Variants in TANC2 observed in about 807,000 individuals in gnomAD.
The protein encoded by TANC2 is tetratricopeptide repeat, ankyrin repeat and coiled-coil containing 2.
Under a neutral mutation model 210.5 loss-of-function variants are expected in TANC2, and 26 were observed. The ratio of observed to expected loss-of-function variants is 0.12; its 90% CI spans 0.09 to 0.17. The LOEUF (loss-of-function observed/expected upper bound fraction) is 0.17. Among genes scored for constraint, TANC2 ranks in the 10% least tolerant of loss-of-function variants. The pLI is 1.00. For synonymous variants in TANC2, 931 were observed against 967.1 expected (o/e 0.96, Z 0.69); for missense variants, 2,129 against 2,608.9 (o/e 0.82, Z 4.01).
At chr17:63,138,851 C>T (rs2039184564) in intron 4 of TANC2, among the ~76,000 whole-genome samples, 1 of 152,270 alleles carries the variant, frequency 6.6e-6, no homozygotes, top group South Asian at 2.1e-4. Flanking sequence ...ATTGACATAC[C>T]ACACTTGTCT....
intron 6 of TANC2, among the ~76,000 whole-genome samples, chr17:63,200,080 G>T (rs984996173): frequency 7.9e-5 from 12 of 151,930 alleles, no homozygotes; most frequent in Admixed American, 5.2e-4. Flanking sequence ...TATTGGCTGG[G>T]TCCAGTGGCT....
intron 9 of TANC2, among the ~76,000 whole-genome samples, chr17:63,307,062 G>C (rs1263523372): frequency 1.3e-5 from 2 of 152,202 alleles, no homozygotes; most frequent in Non-Finnish European, 2.9e-5. Flanking sequence ...GAAGAGCTGG[G>C]GCATAGACTG....
intron 5 of TANC2, among the ~76,000 whole-genome samples, chr17:63,176,404 C>T (rs568517606): frequency 2.6e-5 from 4 of 152,304 alleles, no homozygotes; most frequent in African/African-American, 7.2e-5. Context: ...ATCTGTAAAA[C>T]AGGCTGAATG....
chr17:62,983,818 C>G (rs1296990872), intron 1 of TANC2, among the ~76,000 whole-genome samples: 2 of 152,042 alleles, frequency 1.3e-5, no homozygotes, highest in African/African-American at 4.8e-5. Context: ...AGATAAATCT[C>G]ACTTGATTAT....
In TANC2 at chr17:63,420,256, T is replaced by C. The variant is rs750702865; in HGVS notation, c.4526T>C (p.Ile1509Thr). 8.7e-6 allele frequency: 14 copies of C among 1,613,592 alleles called. No homozygotes were observed. The highest frequency in any genetic ancestry group is 5.0e-5 in the Admixed American group (3 of 59,972). Reference sequence around the variant, plus strand: ...GAACAGGATGTTGAAAATGTTTCCATTGGCCTCCAGACAGAGGCCCGGCCC... The same window carrying C: ...GAACAGGATGTTGAAAATGTTTCCACTGGCCTCCAGACAGAGGCCCGGCCC... The change falls in exon 28 of 28, where the codon ATT becomes ACT. Residue 1509 changes from isoleucine (I) to threonine (T), a missense_variant. Coordinates refer to ENST00000689528, the Ensembl canonical transcript of TANC2. The surrounding 1 kb of genome is among the most constrained non-coding windows in gnomAD (Gnocchi z 4.2).
Position 63,159,909 on chromosome 17 carries a change from G to A in TANC2, c.433+8529G>A, listed in dbSNP as rs114883450. Among the ~76,000 whole-genome samples, 267 of 152,254 alleles carry A rather than the reference G, an allele frequency of 1.8e-3. 1 individual carries two copies. Among genetic ancestry groups the A allele is most frequent in the Admixed American group, 3.5e-3 (53 of 15,288 alleles). On this transcript the variant is annotated intron_variant, in intron 5 of 27. Transcript: ENST00000689528. ...TGGGTGGCTTAAACAACAAACTACTGTTCATATAGTTCTGGAGGCTAGAAG... is the reference window on the plus strand; with the variant it reads ...TGGGTGGCTTAAACAACAAACTACTATTCATATAGTTCTGGAGGCTAGAAG...
intron 12 of TANC2, among the ~76,000 whole-genome samples, chr17:63,349,125 A>T (rs2046512545): frequency 6.6e-6 from 1 of 152,310 alleles, no homozygotes; most frequent in Admixed American, 6.5e-5. Flanking sequence ...TCTCAAAAAA[A>T]AATAATAATC....
intron 2 of TANC2, among the ~76,000 whole-genome samples, chr17:63,037,529 A>T (rs1176461320): frequency 6.6e-6 from 1 of 152,076 alleles, no homozygotes; most frequent in Non-Finnish European, 1.5e-5. Context: ...ATATATATAT[A>T]TAGGCTGGGT....
chr17:63,171,224 A>G (rs1378243573), intron 5 of TANC2, among the ~76,000 whole-genome samples: 1 of 151,190 alleles, frequency 6.6e-6, no homozygotes, highest in Non-Finnish European at 1.5e-5. Flanking sequence ...CTGGGATTAC[A>G]GGCGCACACC....
intron 17 of TANC2, among the ~76,000 whole-genome samples, chr17:63,394,138 T>C (rs1223071136): frequency 6.6e-6 from 1 of 152,240 alleles, no homozygotes; most frequent in Non-Finnish European, 1.5e-5. Context: ...TCCCTCAACA[T>C]GTATTAATTG....
intron 9 of TANC2, among the ~76,000 whole-genome samples, chr17:63,282,055 G>A (rs901448677): frequency 6.6e-6 from 1 of 152,004 alleles, no homozygotes; most frequent in Non-Finnish European, 1.5e-5. Context: ...TGTTATGGCA[G>A]CCCTAAGAAA....
At chr17:63,081,456 A>G (rs1231669969) in intron 3 of TANC2, among the ~76,000 whole-genome samples, 1 of 152,236 alleles carries the variant, frequency 6.6e-6, no homozygotes, top group Non-Finnish European at 1.5e-5. Context: ...TCATACTGGC[A>G]TATGCAAGGA....
chr17:63,218,275 G>GA (rs1008550737), intron 7 of TANC2, among the ~76,000 whole-genome samples: 20 of 146,396 alleles, frequency 1.4e-4, no homozygotes, highest in Admixed American at 2.7e-4. Flanking sequence ...AGAGAGGAGG[G>GA]AAAAAAAAAA....
At chr17:63,313,217 C>T (rs542813409) in intron 9 of TANC2, 5 of 152,216 alleles carry the variant, frequency 3.3e-5, no homozygotes, top group Admixed American at 2.6e-4. Flanking sequence ...AGTGTAATAC[C>T]TTATTTTTAA....
At chr17:63,194,074 G>A (rs1234548944) in exon 6 of TANC2, 1 of 1,613,178 alleles carries the variant, frequency 6.2e-7, no homozygotes, top group Non-Finnish European at 8.5e-7. Flanking sequence ...TTTCCTCCTT[G>A]GAGAGAAAGT....
At chr17:63,191,164 G>T (rs1032388036) in intron 5 of TANC2, among the ~76,000 whole-genome samples, 1 of 151,754 alleles carries the variant, frequency 6.6e-6, no homozygotes, top group Non-Finnish European at 1.5e-5. Flanking sequence ...CAGAATCAAC[G>T]TACACTAAGT....
At chr17:63,260,787 A>T (rs560290742) in intron 8 of TANC2, among the ~76,000 whole-genome samples, 1 of 152,114 alleles carries the variant, frequency 6.6e-6, no homozygotes, top group Non-Finnish European at 1.5e-5. Flanking sequence ...TTTCTTTTGC[A>T]TCTACATTCT....
intron 21 of TANC2, among the ~76,000 whole-genome samples, chr17:63,409,378 G>A (rs944366882): frequency 1.3e-5 from 2 of 152,084 alleles, no homozygotes; most frequent in Admixed American, 1.3e-4. Context: ...TGTAGAGACA[G>A]TCTCACCATG....
At chr17:63,337,042 G>C (rs2429432) in intron 11 of TANC2, among the ~76,000 whole-genome samples, 1 of 151,998 alleles carries the variant, frequency 6.6e-6, no homozygotes, top group Non-Finnish European at 1.5e-5. Flanking sequence ...AAAGTTATAC[G>C]TAATATTAAT....
Sources: allele counts gnomAD v4.1 joint callset (sites outside exome capture counted in the v4.1 genomes callset), GRCh38; gene constraint gnomAD v4.1.1; non-coding constraint Gnocchi (gnomAD v3.1); transcripts MANE v1.5; gene names NCBI Gene and HGNC (gene_info 2026-07-23, HGNC 2026-07-21).